CDH22: variants seen among roughly 807,000 people sequenced by gnomAD.
CDH22 encodes cadherin-22.
In CDH22, 30 loss-of-function variants were observed where a neutral mutation model predicts 58.4. The observed-to-expected ratio is 0.51, with a 90% CI of 0.38 to 0.70. The LOEUF is 0.70. Ranked by LOEUF, CDH22 falls within the 30% of genes least tolerant of loss-of-function variation. The probability of loss-of-function intolerance (pLI) is 0.00; values close to 1 mark genes in which losing one functional copy is unlikely to be tolerated. For missense variants in CDH22, 1,014 were observed against 1,233.9 expected, an observed-to-expected ratio of 0.82 and a Z score of 2.67; for synonymous variants, 513 against 558.2, an observed-to-expected ratio of 0.92 and a Z score of 1.14.
At chr20:46,272,319 G>A (rs966239216) in intron 1 of CDH22, among the ~76,000 whole-genome samples, 6 of 152,192 alleles carry the variant, frequency 3.9e-5, no homozygotes, top group Non-Finnish European at 5.9e-5. Context: ...GATGTGTTAT[G>A]TTTGAGATGT....
At chr20:46,259,290 A>G (rs2086420673) in intron 1 of CDH22, among the ~76,000 whole-genome samples, 1 of 152,222 alleles carries the variant, frequency 6.6e-6, no homozygotes, top group African/African-American at 2.4e-5. Flanking sequence ...TATCCATTCA[A>G]TGAACACTTA....
At chr20:46,243,326 T>C (rs1323232180) in intron 2 of CDH22, among the ~76,000 whole-genome samples, 5 of 152,242 alleles carry the variant, frequency 3.3e-5, no homozygotes, top group Non-Finnish European at 7.3e-5. Context: ...TCATATTTCA[T>C]TAGCCGATTA....
chr20:46,215,793 G>A (rs942212262), intron 5 of CDH22, among the ~76,000 whole-genome samples: 1 of 152,246 alleles, frequency 6.6e-6, no homozygotes, highest in African/African-American at 2.4e-5. Flanking sequence ...CCTGGCACAA[G>A]TGGGCAGAAG....
chr20:46,202,272 C>G (rs979088385), intron 7 of CDH22, among the ~76,000 whole-genome samples: 1 of 152,012 alleles, frequency 6.6e-6, no homozygotes, highest in South Asian at 2.1e-4. Context: ...CTAGTGATGC[C>G]GATGCCCTGC....
At chr20:46,265,824 C>T (rs74275018) in intron 1 of CDH22, among the ~76,000 whole-genome samples, 8,372 of 152,134 alleles carry the variant, frequency 0.055, 415 homozygotes, top group East Asian at 0.24. Context: ...TTTTCCTTCC[C>T]TTCCACCTTC....
chr20:46,257,861 A>G (rs1334564622), intron 1 of CDH22, among the ~76,000 whole-genome samples: 1 of 152,176 alleles, frequency 6.6e-6, no homozygotes, highest in Non-Finnish European at 1.5e-5. Flanking sequence ...ACAGTGATCC[A>G]GGAGATGAGG....
intron 4 of CDH22, among the ~76,000 whole-genome samples, chr20:46,226,949 C>T (rs1426267223): frequency 6.6e-6 from 1 of 152,150 alleles, no homozygotes; most frequent in Non-Finnish European, 1.5e-5. Context: ...AGCGGGTGGG[C>T]GTGCTGCACC....
At chr20:46,280,527 C>T (rs2086545873) in intron 1 of CDH22, among the ~76,000 whole-genome samples, 1 of 152,168 alleles carries the variant, frequency 6.6e-6, no homozygotes, top group Non-Finnish European at 1.5e-5. Flanking sequence ...GGGGGGCTGG[C>T]AGTCTCCAGG....
At chr20:46,282,474 CA>C (rs2086555321) in intron 1 of CDH22, among the ~76,000 whole-genome samples, 1 of 152,088 alleles carries the variant, frequency 6.6e-6, no homozygotes, top group South Asian at 2.1e-4. Flanking sequence ...GAAAAAATGC[CA>C]GCTACAGCCA....
chr20:46,195,891 C>T (rs1278186726), intron 8 of CDH22, among the ~76,000 whole-genome samples: 1 of 152,126 alleles, frequency 6.6e-6, no homozygotes, highest in African/African-American at 2.4e-5. Context: ...GCAACATTCT[C>T]CGAGGTGCTC....
intron 1 of CDH22, among the ~76,000 whole-genome samples, chr20:46,276,528 A>T (rs1440360909): frequency 6.6e-6 from 1 of 152,150 alleles, no homozygotes; most frequent in Non-Finnish European, 1.5e-5. Context: ...TAGTAAGCAG[A>T]TATTTGTGCC....
At chr20:46,281,178 A>G (rs2086549213) in intron 1 of CDH22, among the ~76,000 whole-genome samples, 1 of 152,180 alleles carries the variant, frequency 6.6e-6, no homozygotes, top group Non-Finnish European at 1.5e-5. Flanking sequence ...AGACTTCTGA[A>G]AGAACATGTT....
rs549663233 is a variant in CDH22, at chr20:46,219,526, A to G, written c.671-2533T>C. Among the ~76,000 whole-genome samples, 7 of 152,300 alleles carry G rather than the reference A, an allele frequency of 4.6e-5. No homozygotes were observed. In the South Asian group the frequency reaches 1.5e-3, roughly 32 times the overall value. On this transcript the variant is annotated intron_variant, in intron 4 of 11. Coordinates refer to ENST00000537909, the MANE Select transcript of CDH22 (RefSeq NM_021248.3). ...GTGACCTGTATGTTGTAGGATATTTAGTAGCATCCTTGGCCTCCCGGCACT... is the reference window on the plus strand; with the variant it reads ...GTGACCTGTATGTTGTAGGATATTTGGTAGCATCCTTGGCCTCCCGGCACT...
chr20:46,193,610 G>C (rs937023675), intron 8 of CDH22, among the ~76,000 whole-genome samples: 1 of 152,036 alleles, frequency 6.6e-6, no homozygotes, highest in Admixed American at 6.6e-5. Context: ...GGACACCAAG[G>C]CCCTTTCTGT....
chr20:46,273,317 C>T (rs192045454), intron 1 of CDH22, among the ~76,000 whole-genome samples: 127 of 152,302 alleles, frequency 8.3e-4, no homozygotes, highest in Middle Eastern at 3.4e-3. Flanking sequence ...CTGGTAATTC[C>T]TTACAAAGAG....
At chr20:46,222,063 C>G (rs891719219) in intron 4 of CDH22, among the ~76,000 whole-genome samples, 1 of 152,224 alleles carries the variant, frequency 6.6e-6, no homozygotes, top group East Asian at 1.9e-4. Context: ...CTGGGCCTCT[C>G]TGAGCCTCTG....
Position 46,210,302 on chromosome 20 carries a change from C to A in CDH22, c.1286+5G>T. On this transcript the variant is annotated splice_donor_5th_base_variant and intron_variant, in intron 7 of 11. Transcript: ENST00000537909. This position sits in a 1 kb window ranked among gnomAD's most constrained non-coding sequence, Gnocchi z 4.5. Reference sequence around the variant, plus strand: ...GCAGGCGTCGGCCCCGGGCGGGGGTCTCACCGGACGGGCCGGTTGGCGGCG... The same window carrying A: ...GCAGGCGTCGGCCCCGGGCGGGGGTATCACCGGACGGGCCGGTTGGCGGCG... The A allele has an allele frequency of 7.1e-7, 1 of 1,416,684 alleles. No homozygotes were observed. Among genetic ancestry groups the A allele is most frequent in the Non-Finnish European group, 9.2e-7 (1 of 1,091,680 alleles). The allele number at this position is 1,416,684 out of a possible 1,614,324, so 87.8% of individuals were successfully genotyped here.
intron 1 of CDH22, among the ~76,000 whole-genome samples, chr20:46,268,623 G>C (rs1225936476): frequency 6.6e-6 from 1 of 152,214 alleles, no homozygotes; most frequent in African/African-American, 2.4e-5. Context: ...GAGGCTTCAG[G>C]CTGGAGCCTC....
intron 10 of CDH22, among the ~76,000 whole-genome samples, chr20:46,186,202 CAAA>C (rs57944745): frequency 8.0e-4 from 65 of 81,086 alleles, no homozygotes; most frequent in East Asian, 4.6e-3. Flanking sequence ...GACCCTGTCT[CAAA>C]AAAAAAAAAA....
Sources: allele counts gnomAD v4.1 joint callset (sites outside exome capture counted in the v4.1 genomes callset), GRCh38; gene constraint gnomAD v4.1.1; non-coding constraint Gnocchi (gnomAD v3.1); transcripts MANE v1.5; gene names NCBI Gene and HGNC (gene_info 2026-07-23, HGNC 2026-07-21).